CPLX2: variants seen among roughly 807,000 people sequenced by gnomAD.
CPLX2 encodes the protein complexin 2.
Under a neutral mutation model 16.3 loss-of-function variants are expected in CPLX2, and 5 were observed. That is an observed-to-expected ratio of 0.31 (90% CI 0.16 to 0.64). The LOEUF is 0.64. CPLX2 is among the 30% of genes least tolerant of loss of function. CPLX2 has a pLI of 0.79. For synonymous variants in CPLX2, 89 were observed against 73.2 expected, an observed-to-expected ratio of 1.22 and a Z score of -1.10; for missense variants, 144 against 181.4, an observed-to-expected ratio of 0.79 and a Z score of 1.18.
rs1426835206 is a variant in CPLX2 at position 175,838,971 on chromosome 5, C to T, written c.-89+29903C>T. Among the ~76,000 whole-genome samples the T allele has an allele frequency of 3.3e-5, 5 of 152,236 alleles. No individual in the cohort carries two copies. In the East Asian group the frequency reaches 9.6e-4, roughly 29 times the overall value. On this transcript the variant is annotated intron_variant, in intron 2 of 4. Transcript: ENST00000359546. ...GCAAGTAACCCAGAGCAGGCCGGCACTGTGAAATGAGGTTGCTGTCTGACC... is the reference window on the plus strand; with the variant it reads ...GCAAGTAACCCAGAGCAGGCCGGCATTGTGAAATGAGGTTGCTGTCTGACC...
At chr5:175,828,880 T>C (rs1758671900) in intron 2 of CPLX2, among the ~76,000 whole-genome samples, 1 of 152,156 alleles carries the variant, frequency 6.6e-6, no homozygotes, top group Non-Finnish European at 1.5e-5. Flanking sequence ...GTGCCTTCTG[T>C]TCCTAGAGAG....
chr5:175,818,954 C>T (rs996346110), intron 2 of CPLX2, among the ~76,000 whole-genome samples: 1 of 152,088 alleles, frequency 6.6e-6, no homozygotes, highest in South Asian at 2.1e-4. Context: ...TGAGCCACCG[C>T]GCCCGGCCCC....
intron 2 of CPLX2, among the ~76,000 whole-genome samples, chr5:175,841,173 A>G (rs1028575695): frequency 1.3e-5 from 2 of 152,206 alleles, no homozygotes; most frequent in Non-Finnish European, 2.9e-5. Flanking sequence ...TCCAGTTCCC[A>G]TACATACCCT....
chr5:175,807,253 G>A (rs1464551561), intron 1 of CPLX2, among the ~76,000 whole-genome samples: 1 of 152,244 alleles, frequency 6.6e-6, no homozygotes, highest in Non-Finnish European at 1.5e-5. Context: ...CCCAACATGT[G>A]TTCTGCCCAC....
At chr5:175,836,875 C>T (rs916664611) in intron 2 of CPLX2, among the ~76,000 whole-genome samples, 2 of 152,254 alleles carry the variant, frequency 1.3e-5, no homozygotes, top group African/African-American at 2.4e-5. Context: ...GTCACACCCA[C>T]TTTACAGATA....
chr5:175,808,470 TA>T (rs528889003), intron 1 of CPLX2, among the ~76,000 whole-genome samples: 17 of 148,730 alleles, frequency 1.1e-4, no homozygotes, highest in African/African-American at 3.0e-4. Flanking sequence ...AGCTATAGTG[TA>T]AAAAAAAAAT....
chr5:175,814,240 G>A (rs1212921411), intron 2 of CPLX2, among the ~76,000 whole-genome samples: 3 of 152,214 alleles, frequency 2.0e-5, no homozygotes, highest in Non-Finnish European at 4.4e-5. Flanking sequence ...CTCACCCTGG[G>A]GAGGGCAAAG....
intron 2 of CPLX2, among the ~76,000 whole-genome samples, chr5:175,856,271 C>T (rs758390952): frequency 6.6e-6 from 1 of 152,184 alleles, no homozygotes; most frequent in Non-Finnish European, 1.5e-5. Context: ...AACCCATTTT[C>T]GTTAAGCACC....
intron 2 of CPLX2, among the ~76,000 whole-genome samples, chr5:175,822,155 T>A (rs955851975): frequency 1.3e-5 from 2 of 151,910 alleles, no homozygotes; most frequent in Non-Finnish European, 2.9e-5. Context: ...CTCACCACCT[T>A]CTCCTTCATT....
intron 2 of CPLX2, among the ~76,000 whole-genome samples, chr5:175,836,848 G>A (rs936519438): frequency 6.6e-6 from 1 of 152,128 alleles, no homozygotes; most frequent in African/African-American, 2.4e-5. Flanking sequence ...TGCAAGGCAG[G>A]CAGAGCAAGT....
intron 2 of CPLX2, among the ~76,000 whole-genome samples, chr5:175,835,457 A>G (rs1758811581): frequency 6.6e-6 from 1 of 152,216 alleles, no homozygotes; most frequent in East Asian, 1.9e-4. Flanking sequence ...TCATTTTAAG[A>G]GGCCAGGTAA....
chr5:175,880,332 ACC>A lies in CPLX2; in HGVS notation c.*291_*292del. Reference sequence around the variant, plus strand: ...AGCCTAAGGTCGTGCTAGTGTGGTGACCCCCATACATTCCTCCCTGCTCCCCA... The same window carrying A: ...AGCCTAAGGTCGTGCTAGTGTGGTGACCCATACATTCCTCCCTGCTCCCCA... On this transcript the variant is annotated 3_prime_UTR_variant, in exon 4 of 4. Coordinates refer to ENST00000393745, the MANE Select transcript of CPLX2 (RefSeq NM_001008220.2). The A allele has an allele frequency of 2.1e-6, 1 of 472,486 alleles. No homozygotes were observed. 29.3% of individuals were successfully genotyped at this position (472,486 alleles called of 1,614,324 possible).
rs1758723624 is a variant in CPLX2, at chr5:175,830,908, G to A, written c.-89+21840G>A. ...GCCTCGATTTTACCAACTGGAAGGG[G>A]CCTTAGAGCCCAAGGGAAACGTGCG... On this transcript the variant is annotated intron_variant, in intron 2 of 4. Transcript: ENST00000359546. This position sits in a 1 kb window ranked among gnomAD's most constrained non-coding sequence, Gnocchi z 4.0. Among the ~76,000 whole-genome samples, 1 of 152,220 alleles carries A rather than the reference G, an allele frequency of 6.6e-6. No individual in the cohort carries two copies. The highest frequency in any genetic ancestry group is 2.1e-4 in the South Asian group (1 of 4,832).
Position 175,878,632 on chromosome 5 carries a change from C to T in CPLX2, c.-88-20C>T, listed in dbSNP as rs1755471673. The T allele has an allele frequency of 3.8e-6, 5 of 1,319,568 alleles. No homozygotes were observed. The South Asian group carries it at 6.5e-5, about 17-fold the overall frequency. 81.7% of individuals were successfully genotyped at this position (1,319,568 alleles called of 1,614,324 possible). On this transcript the variant is annotated intron_variant, in intron 1 of 3. Transcript: ENST00000393745. ...CTGTGCAGAGGCCTCTCCCATCTGA[C>T]TCCCAATTCTCTTCTGCAGGTTGTC...
chr5:175,833,699 G>C (rs1189769285), intron 2 of CPLX2, among the ~76,000 whole-genome samples: 1 of 152,164 alleles, frequency 6.6e-6, no homozygotes, highest in Non-Finnish European at 1.5e-5. Context: ...TTAGGATCTG[G>C]GGTGGGGATG....
intron 1 of CPLX2, among the ~76,000 whole-genome samples, chr5:175,802,689 T>C (rs900907531): frequency 1.3e-5 from 2 of 152,160 alleles, no homozygotes; most frequent in African/African-American, 2.4e-5. Flanking sequence ...GCCCTGACCC[T>C]TCCTAGCTGG....
chr5:175,862,294 G>A (rs1182499002), intron 2 of CPLX2, among the ~76,000 whole-genome samples: 1 of 152,220 alleles, frequency 6.6e-6, no homozygotes, highest in Non-Finnish European at 1.5e-5. Context: ...GCAACCTTAA[G>A]TATAAAGCTT....
chr5:175,880,227 C>CATCCCAGGGCACACCTCCCTCA lies in CPLX2; in HGVS notation c.*182_*183insATCCCAGGGCACACCTCCCTCA. ...CACACCTCCCTTCATCCCAGGGTAT[C>CATCCCAGGGCACACCTCCCTCA]CACCTGCACCCCACTCCCAAGTAGC... is the stretch of plus-strand genomic sequence containing the variant. On this transcript the variant is annotated 3_prime_UTR_variant, in exon 4 of 4. Coordinates refer to ENST00000393745, the MANE Select transcript of CPLX2 (RefSeq NM_001008220.2). 1 of 722,812 alleles carries CATCCCAGGGCACACCTCCCTCA rather than the reference C, an allele frequency of 1.4e-6. No individual in the cohort carries two copies. Among genetic ancestry groups the CATCCCAGGGCACACCTCCCTCA allele is most frequent in the Non-Finnish European group, 2.5e-6 (1 of 395,370 alleles). The allele number at this position is 722,812 out of a possible 1,614,324, so 44.8% of individuals were successfully genotyped here.
At chr5:175,865,593 T>C (rs77986091) in intron 2 of CPLX2, among the ~76,000 whole-genome samples, 1,962 of 152,298 alleles carry the variant, frequency 0.013, 40 homozygotes, top group African/African-American at 0.045. Context: ...GAATTTAAGA[T>C]TCTAAAGTTG....
Sources: gnomAD v4.1 joint callset for allele counts (sites outside exome capture counted in the v4.1 genomes callset) on GRCh38, gnomAD v4.1.1 for gene constraint, Gnocchi (gnomAD v3.1) non-coding constraint, MANE v1.5 for transcripts, NCBI Gene and HGNC (gene_info 2026-07-23, HGNC 2026-07-21) for gene names.